Variants in PRKCA observed in about 807,000 individuals in gnomAD.
PRKCA encodes protein kinase C alpha, also known as protein kinase C alpha type.
A neutral mutation model predicts 87.0 loss-of-function variants in PRKCA; 27 were observed. That is an observed-to-expected ratio of 0.31 (90% confidence interval 0.23 to 0.43). PRKCA has a LOEUF of 0.43. Ranked by LOEUF, PRKCA falls within the 20% of genes least tolerant of loss-of-function variation. The pLI, the probability that PRKCA is intolerant of heterozygous loss-of-function variation, is 1.00. For synonymous variants in PRKCA, 329 were observed against 311.1 expected (o/e 1.06, Z -0.61); for missense variants, 518 against 852.3 (o/e 0.61, Z 4.88).
chr17:66,552,359 G>A (rs374616741), intron 3 of PRKCA, among the ~76,000 whole-genome samples: 11 of 152,162 alleles, frequency 7.2e-5, no homozygotes, highest in African/African-American at 2.4e-4. Flanking sequence ...CTAAAATGTC[G>A]TGGCTTAAAG....
At chr17:66,605,617 A>G (rs1315173535) in intron 3 of PRKCA, among the ~76,000 whole-genome samples, 1 of 152,234 alleles carries the variant, frequency 6.6e-6, no homozygotes, top group Admixed American at 6.5e-5. Context: ...GAGAATGAAA[A>G]CATATGTTCT....
chr17:66,453,441 C>G (rs1022064034), intron 2 of PRKCA, among the ~76,000 whole-genome samples: 6 of 152,018 alleles, frequency 3.9e-5, no homozygotes, highest in African/African-American at 1.4e-4. Context: ...CCTCAGCCTC[C>G]TAAGTAGCTG....
intron 13 of PRKCA, among the ~76,000 whole-genome samples, chr17:66,759,944 C>T (rs980842531): frequency 1.3e-5 from 2 of 152,200 alleles, no homozygotes; most frequent in African/African-American, 4.8e-5. Flanking sequence ...CATGATAGAA[C>T]TGCAGGTAGA....
chr17:66,377,721 ATT>A (rs1229084236), intron 2 of PRKCA, among the ~76,000 whole-genome samples: 1,661 of 68,978 alleles, frequency 0.024, 19 homozygotes, highest in East Asian at 0.1. Context: ...ATATATATAT[ATT>A]TTTTTTTTTT....
intron 2 of PRKCA, among the ~76,000 whole-genome samples, chr17:66,334,719 A>G (rs1906552322): frequency 6.6e-6 from 1 of 152,354 alleles, no homozygotes; most frequent in South Asian, 2.1e-4. Flanking sequence ...AACATTAAAC[A>G]TAGAATTCCT....
chr17:66,453,666 G>A (rs913894150), intron 2 of PRKCA, among the ~76,000 whole-genome samples: 6 of 152,168 alleles, frequency 3.9e-5, no homozygotes, highest in Middle Eastern at 3.4e-3. Context: ...CGCCGCCCTC[G>A]TCTGCTGTAG....
chr17:66,793,505 G>T (rs549165549), intron 16 of PRKCA, among the ~76,000 whole-genome samples: 1 of 146,424 alleles, frequency 6.8e-6, no homozygotes, highest in Admixed American at 7.1e-5. Context: ...CAGGAGAATC[G>T]CTTGAACCTG....
At chr17:66,336,104 G>GT (rs981588477) in intron 2 of PRKCA, among the ~76,000 whole-genome samples, 40 of 151,828 alleles carry the variant, frequency 2.6e-4, no homozygotes, top group Admixed American at 6.6e-4. Context: ...GATGACTTCT[G>GT]TTTTTTTTCC....
In PRKCA at chr17:66,790,992, T is replaced by G. The variant is rs1021648855; in HGVS notation, c.1854+2013T>G. Among the ~76,000 whole-genome samples the G allele has an allele frequency of 3.7e-3, 286 of 76,870 alleles. 1 individual carries two copies. The highest frequency in any genetic ancestry group is 0.018 in the African/African-American group (254 of 14,172). The allele number at this position is 76,870 out of a possible 152,430, so 50.4% of individuals were successfully genotyped here. ...TTCCTGGAGCGCTACTGTTTGCTGG[T>G]TTTTTTTTTTTTTAAATTATTATAC... On this transcript the variant is annotated intron_variant, in intron 16 of 16. Coordinates refer to ENST00000413366, the MANE Select transcript of PRKCA (RefSeq NM_002737.3).
chr17:66,314,875 ATGTG>A (rs56889057), intron 2 of PRKCA, among the ~76,000 whole-genome samples: 18,135 of 148,570 alleles, frequency 0.12, 1,245 homozygotes, highest in South Asian at 0.24. Flanking sequence ...ATATATATAT[ATGTG>A]TGTGTGTGTG....
chr17:66,683,790 G>A (rs980756425), intron 5 of PRKCA, among the ~76,000 whole-genome samples: 1 of 152,022 alleles, frequency 6.6e-6, no homozygotes, highest in African/African-American at 2.4e-5. Flanking sequence ...AGTAGAAATG[G>A]GGTTTCACCA....
At chr17:66,618,242 C>A (rs1318439875) in intron 3 of PRKCA, among the ~76,000 whole-genome samples, 1 of 151,702 alleles carries the variant, frequency 6.6e-6, no homozygotes, top group Non-Finnish European at 1.5e-5. Flanking sequence ...GTAATTCCAG[C>A]TGCTGGGGAG....
intron 3 of PRKCA, among the ~76,000 whole-genome samples, chr17:66,603,727 C>G (rs1163750413): frequency 6.6e-6 from 1 of 152,164 alleles, no homozygotes; most frequent in African/African-American, 2.4e-5. Context: ...CTTGTCCTCC[C>G]TGAATGAAGC....
chr17:66,537,398 G>T (rs1567883987), intron 3 of PRKCA, among the ~76,000 whole-genome samples: 3 of 152,322 alleles, frequency 2.0e-5, no homozygotes, highest in Non-Finnish European at 2.9e-5. Flanking sequence ...TTAGGAGGTA[G>T]TGTTAAGAAT....
intron 13 of PRKCA, among the ~76,000 whole-genome samples, chr17:66,759,224 C>G (rs1009910119): frequency 6.6e-6 from 1 of 151,886 alleles, no homozygotes; most frequent in Middle Eastern, 3.4e-3. Context: ...GGCGTGGTGG[C>G]GGGCACCTGT....
intron 16 of PRKCA, among the ~76,000 whole-genome samples, chr17:66,791,601 G>A (rs558189833): frequency 5.9e-5 from 9 of 152,300 alleles, no homozygotes; most frequent in Non-Finnish European, 1.2e-4. Flanking sequence ...TCCTTGCCCC[G>A]TGCCAGGCAG....
At chr17:66,330,813 G>A (rs532896872) in intron 2 of PRKCA, among the ~76,000 whole-genome samples, 14 of 152,300 alleles carry the variant, frequency 9.2e-5, no homozygotes, top group South Asian at 4.1e-4. Flanking sequence ...CTGCGAGTGC[G>A]AGTGAAGCTG....
intron 5 of PRKCA, among the ~76,000 whole-genome samples, chr17:66,656,182 G>T (rs1041211065): frequency 2.0e-5 from 3 of 152,184 alleles, no homozygotes; most frequent in African/African-American, 7.2e-5. Context: ...TGTCTTTGTT[G>T]TAAAGCACCC....
intron 3 of PRKCA, among the ~76,000 whole-genome samples, chr17:66,568,379 T>C (rs1230596244): frequency 6.6e-6 from 1 of 152,176 alleles, no homozygotes; most frequent in Non-Finnish European, 1.5e-5. Flanking sequence ...TTTTCCCCAC[T>C]ACATTTTCCA....
Sources: gnomAD v4.1 joint callset for allele counts (sites outside exome capture counted in the v4.1 genomes callset) on GRCh38, gnomAD v4.1.1 for gene constraint, MANE v1.5 for transcripts, NCBI Gene and HGNC (gene_info 2026-07-23, HGNC 2026-07-21) for gene names.